SRGAP3: variants seen among roughly 807,000 people sequenced by gnomAD.
SRGAP3 encodes SLIT-ROBO Rho GTPase-activating protein 3.
Under a neutral mutation model 121.1 loss-of-function variants are expected in SRGAP3, and 39 were observed. The ratio of observed to expected loss-of-function variants is 0.32; its 90% CI spans 0.25 to 0.42. The LOEUF is 0.42. Among genes scored for constraint, SRGAP3 ranks in the 10% least tolerant of loss-of-function variants. SRGAP3 has a pLI of 1.00. For missense variants in SRGAP3, 1,213 were observed against 1,470.6 expected (o/e 0.82, Z 2.86); for synonymous variants, 601 against 570.0 (o/e 1.05, Z -0.77).
At chr3:9,117,160 T>C (rs1374203379) in intron 2 of SRGAP3, among the ~76,000 whole-genome samples, 1 of 152,262 alleles carries the variant, frequency 6.6e-6, no homozygotes, top group Non-Finnish European at 1.5e-5. Flanking sequence ...CAAGCCCTAC[T>C]GGAGGGCTTT....
intron 1 of SRGAP3, among the ~76,000 whole-genome samples, chr3:9,360,947 G>A (rs2030767811): frequency 6.6e-6 from 1 of 152,118 alleles, no homozygotes; most frequent in African/African-American, 2.4e-5. Flanking sequence ...ACTTGGAACT[G>A]TTGATTTTTT....
At chr3:9,071,642 GGATGGATGGA>G (rs1453630005) in intron 4 of SRGAP3, among the ~76,000 whole-genome samples, 4 of 23,830 alleles carry the variant, frequency 1.7e-4, no homozygotes, top group African/African-American at 7.3e-4. Context: ...TCTCAAAGGT[GGATGGATGGA>G]TGGATGGATG....
At chr3:9,178,197 G>A (rs1385983495) in intron 1 of SRGAP3, among the ~76,000 whole-genome samples, 1 of 152,134 alleles carries the variant, frequency 6.6e-6, no homozygotes, top group Non-Finnish European at 1.5e-5. Flanking sequence ...GAGCCTGGGA[G>A]GCACAGGTTG....
At chr3:9,273,357 G>C (rs1286178221) in intron 3 of SRGAP3, among the ~76,000 whole-genome samples, 1 of 152,098 alleles carries the variant, frequency 6.6e-6, no homozygotes, top group African/African-American at 2.4e-5. Context: ...GTGATGTTGA[G>C]CATCTTTTCA....
chr3:9,067,912 G>C (rs570707090), intron 4 of SRGAP3, among the ~76,000 whole-genome samples: 1 of 152,254 alleles, frequency 6.6e-6, no homozygotes, highest in East Asian at 1.9e-4. Flanking sequence ...GTTTTAGGGA[G>C]ATTACAAATG....
intron 3 of SRGAP3, among the ~76,000 whole-genome samples, chr3:9,290,943 T>A (rs903683551): frequency 6.6e-6 from 1 of 152,132 alleles, no homozygotes; most frequent in African/African-American, 2.4e-5. Flanking sequence ...GTGGTAGTGG[T>A]GATGGTGTGT....
intron 18 of SRGAP3, among the ~76,000 whole-genome samples, chr3:9,000,524 G>T (rs974511558): frequency 1.3e-5 from 2 of 152,214 alleles, no homozygotes; most frequent in African/African-American, 4.8e-5. Flanking sequence ...CAAAGGAATT[G>T]ACTTCAGTTG....
intron 1 of SRGAP3, among the ~76,000 whole-genome samples, chr3:9,347,934 C>T (rs1473580115): frequency 6.6e-6 from 1 of 152,206 alleles, no homozygotes; most frequent in African/African-American, 2.4e-5. Context: ...ATCAGTACAA[C>T]TTGATTTTGC....
chr3:9,113,824 C>T (rs114937825), intron 2 of SRGAP3, among the ~76,000 whole-genome samples: 10,329 of 152,194 alleles, frequency 0.068, 409 homozygotes, highest in African/African-American at 0.083. Flanking sequence ...TGAAGAGGTG[C>T]CTCCCATCAT....
At chr3:9,247,481 A>C (rs1453096560) in intron 1 of SRGAP3, among the ~76,000 whole-genome samples, 2 of 152,118 alleles carry the variant, frequency 1.3e-5, no homozygotes, top group African/African-American at 2.4e-5. Context: ...TGGAAAAAAA[A>C]CAGATCCCTC....
chr3:9,031,003 G>A (rs1944455655), intron 12 of SRGAP3, among the ~76,000 whole-genome samples: 1 of 152,090 alleles, frequency 6.6e-6, no homozygotes, highest in Non-Finnish European at 1.5e-5. Context: ...CACCGAGGCT[G>A]GAGTGGCATG....
chr3:9,322,582 G>A (rs548472254), intron 3 of SRGAP3, among the ~76,000 whole-genome samples: 2 of 151,898 alleles, frequency 1.3e-5, no homozygotes, highest in South Asian at 4.2e-4. Context: ...GATTCTCACA[G>A]GACTGTGAAC....
At chr3:9,040,989 G>C (rs1359084588) in intron 10 of SRGAP3, among the ~76,000 whole-genome samples, 3 of 152,224 alleles carry the variant, frequency 2.0e-5, no homozygotes, top group Admixed American at 6.5e-5. Flanking sequence ...GGCAGTGTTT[G>C]GCACAAAGTA....
intron 3 of SRGAP3, among the ~76,000 whole-genome samples, chr3:9,307,129 C>T (rs1473017229): frequency 6.6e-6 from 1 of 152,142 alleles, no homozygotes; most frequent in Non-Finnish European, 1.5e-5. Flanking sequence ...CGTGCCATCA[C>T]GCCTGGCTTA....
chr3:9,095,606 T>C (rs930095946), intron 3 of SRGAP3, among the ~76,000 whole-genome samples: 1 of 152,234 alleles, frequency 6.6e-6, no homozygotes, highest in Non-Finnish European at 1.5e-5. Context: ...CTTTGATCTG[T>C]AATGCACCAC....
intron 3 of SRGAP3, among the ~76,000 whole-genome samples, chr3:9,091,622 G>A (rs1414403513): frequency 6.6e-6 from 1 of 152,152 alleles, no homozygotes; most frequent in African/African-American, 2.4e-5. Flanking sequence ...GGCTTCTCCA[G>A]CCTGTGCTGG....
intron 1 of SRGAP3, among the ~76,000 whole-genome samples, chr3:9,161,038 A>C (rs752465353): frequency 1.2e-4 from 19 of 152,240 alleles, no homozygotes; most frequent in Non-Finnish European, 2.2e-4. Context: ...TGGTAGAAGG[A>C]ATGATGGAAT....
At chr3:9,145,576 G>A (rs1431611015) in intron 1 of SRGAP3, among the ~76,000 whole-genome samples, 1 of 152,114 alleles carries the variant, frequency 6.6e-6, no homozygotes, top group Non-Finnish European at 1.5e-5. Context: ...ATTAGCATCT[G>A]CCAGGCTCTG....
At chr3:9,268,956 G>C (rs1954422027) in intron 3 of SRGAP3, among the ~76,000 whole-genome samples, 2 of 152,172 alleles carry the variant, frequency 1.3e-5, no homozygotes, top group Admixed American at 1.3e-4. Context: ...CTGTGAAGAA[G>C]AACAAAACCT....
Sources: gnomAD v4.1 joint callset for allele counts (sites outside exome capture counted in the v4.1 genomes callset) on GRCh38, gnomAD v4.1.1 for gene constraint, MANE v1.5 for transcripts, NCBI Gene and HGNC (gene_info 2026-07-23, HGNC 2026-07-21) for gene names.